The following ABCB7 variants were observed in gnomAD, a reference collection of about 807,000 sequenced individuals.
The protein encoded by ABCB7 is ATP binding cassette subfamily B member 7, also known as iron-sulfur clusters transporter ABCB7, mitochondrial.
ABCB7 carries 7 observed loss-of-function variants against 54.4 expected under a neutral mutation model. The observed-to-expected ratio is 0.13, with a 90% confidence interval of 0.07 to 0.24. The LOEUF is 0.24. ABCB7 is among the 10% of genes least tolerant of loss of function. The pLI is 1.00. For missense variants in ABCB7, 356 were observed against 570.4 expected (o/e 0.62, Z 3.83); for synonymous variants, 218 against 207.1 (o/e 1.05, Z -0.45).
chrX:75,108,566 A>T (rs1319614943), intron 3 of ABCB7, among the ~76,000 whole-genome samples: 1 of 108,326 alleles, frequency 9.2e-6, no homozygotes, highest in Non-Finnish European at 1.9e-5. Context: ...TAGTTAAAGG[A>T]AGCAATTAGA....
rs397969843 is a variant in ABCB7, at chrX:75,052,141, T to TC, written c.*1228dup. The TC allele has an allele frequency of 2.7e-5, 3 of 111,818 alleles. No homozygotes were observed. Among genetic ancestry groups the TC allele is most frequent in the Admixed American group, 9.5e-5 (1 of 10,566 alleles). 9.2% of individuals were successfully genotyped at this position (111,818 alleles called of 1,213,427 possible). On this transcript the variant is annotated 3_prime_UTR_variant, in exon 16 of 16. Coordinates refer to ENST00000373394, the MANE Select transcript of ABCB7 (RefSeq NM_001271696.3). ...AGCGACATGAGAATGAAGGTTTTTTTCCTTCAAAAAGTACATAGTTGCAAA... is the reference window on the plus strand; with the variant it reads ...AGCGACATGAGAATGAAGGTTTTTTTCCCTTCAAAAAGTACATAGTTGCAAA...
chrX:75,087,491 C>T (rs7885249), intron 4 of ABCB7, among the ~76,000 whole-genome samples: 9,116 of 111,647 alleles, frequency 0.082, 925 homozygotes, highest in African/African-American at 0.28. Flanking sequence ...TTAAAGATTT[C>T]CATTGTATAA....
In ABCB7 at chrX:75,052,836, A is replaced by T. The variant is rs1391066213; in HGVS notation, c.*534T>A. On this transcript the variant is annotated 3_prime_UTR_variant, in exon 16 of 16. Coordinates refer to ENST00000373394, the MANE Select transcript of ABCB7 (RefSeq NM_001271696.3). ...AAAACAAAAAAGAAAAAAGTAAGTA[A>T]CCTATCAAGTAAGACATCAAACTAT... The T allele has an allele frequency of 8.9e-6, 1 of 111,937 alleles. No homozygotes were observed. Among genetic ancestry groups the T allele is most frequent in the Non-Finnish European group, 1.9e-5 (1 of 53,274 alleles). 9.2% of individuals were successfully genotyped at this position (111,937 alleles called of 1,213,427 possible).
chrX:75,056,234 C>T (rs995376558), intron 15 of ABCB7, among the ~76,000 whole-genome samples: 3 of 111,446 alleles, frequency 2.7e-5, no homozygotes, highest in African/African-American at 9.8e-5. Flanking sequence ...GTTTCAGCAA[C>T]CAGTGAGGAC....
chrX:75,064,163 C>T (rs1036550881), intron 13 of ABCB7, among the ~76,000 whole-genome samples: 3 of 111,696 alleles, frequency 2.7e-5, no homozygotes, highest in African/African-American at 9.7e-5. Flanking sequence ...CTAAACCTAG[C>T]CCAAAACTTT....
At chrX:75,095,590 T>C (rs1366000478) in intron 4 of ABCB7, among the ~76,000 whole-genome samples, 2 of 112,868 alleles carry the variant, frequency 1.8e-5, no homozygotes. Context: ...AGTTATTCTA[T>C]GATCTAGTTT....
intron 13 of ABCB7, among the ~76,000 whole-genome samples, chrX:75,062,915 G>T (rs182593966): frequency 1.7e-4 from 19 of 111,472 alleles, no homozygotes; most frequent in African/African-American, 5.2e-4. Flanking sequence ...TATTCTCAAG[G>T]ATTGTTTTTT....
intron 1 of ABCB7, among the ~76,000 whole-genome samples, chrX:75,151,385 T>C (rs1304416694): frequency 1.8e-5 from 2 of 111,617 alleles, no homozygotes; most frequent in Admixed American, 1.9e-4. Flanking sequence ...TTAGAATCTA[T>C]TTCTACCATC....
At chrX:75,129,529 G>A (rs1270139869) in intron 1 of ABCB7, among the ~76,000 whole-genome samples, 1 of 107,958 alleles carries the variant, frequency 9.3e-6, no homozygotes, top group Non-Finnish European at 1.9e-5. Context: ...AAATCACCAT[G>A]GCACATGTAT....
chrX:75,098,276 T>A (rs2081608760), intron 4 of ABCB7, among the ~76,000 whole-genome samples: 1 of 104,614 alleles, frequency 9.6e-6, no homozygotes, highest in Non-Finnish European at 1.9e-5. Flanking sequence ...GCCACTGTAC[T>A]CCAGTCTGGG....
intron 3 of ABCB7, among the ~76,000 whole-genome samples, chrX:75,106,311 T>G (rs1266688555): frequency 9.1e-6 from 1 of 110,353 alleles, no homozygotes; most frequent in African/African-American, 3.3e-5. Context: ...CATGAACAGA[T>G]AGTTTTCAAA....
At chrX:75,127,597 A>G (rs746636896) in intron 1 of ABCB7, among the ~76,000 whole-genome samples, 2 of 111,769 alleles carry the variant, frequency 1.8e-5, no homozygotes, top group Non-Finnish European at 3.8e-5. Flanking sequence ...GGGTATTCAA[A>G]TAGGAAGAGA....
At chrX:75,147,604 G>T (rs2082101287) in intron 1 of ABCB7, among the ~76,000 whole-genome samples, 1 of 111,641 alleles carries the variant, frequency 9.0e-6, no homozygotes, top group Non-Finnish European at 1.9e-5. Flanking sequence ...TCACTTACAA[G>T]TAGGAGCTAA....
At chrX:75,134,967 C>T (rs2081999481) in intron 1 of ABCB7, among the ~76,000 whole-genome samples, 1 of 109,904 alleles carries the variant, frequency 9.1e-6, no homozygotes, top group Admixed American at 9.7e-5. Flanking sequence ...GAGAAATAAC[C>T]AAAATCGAGC....
chrX:75,122,204 T>C (rs771860392), intron 1 of ABCB7, among the ~76,000 whole-genome samples: 9 of 111,394 alleles, frequency 8.1e-5, no homozygotes, highest in Non-Finnish European at 1.5e-4. Context: ...ATAAAACAGA[T>C]TGCAGTAAAG....
chrX:75,134,812 G>C (rs2081998226), intron 1 of ABCB7, among the ~76,000 whole-genome samples: 1 of 111,553 alleles, frequency 9.0e-6, no homozygotes, highest in Non-Finnish European at 1.9e-5. Flanking sequence ...GAATCTCTGA[G>C]ACACAACTAA....
At chrX:75,145,123 G>A (rs965234777) in intron 1 of ABCB7, among the ~76,000 whole-genome samples, 4 of 110,443 alleles carry the variant, frequency 3.6e-5, no homozygotes, top group African/African-American at 1.3e-4. Flanking sequence ...AAAAGCCCAC[G>A]ACGAGACAGA....
At chrX:75,115,715 C>G (rs1264662061) in intron 1 of ABCB7, among the ~76,000 whole-genome samples, 2 of 108,531 alleles carry the variant, frequency 1.8e-5, no homozygotes, top group African/African-American at 6.7e-5. Flanking sequence ...GAATGGCCCC[C>G]CTCCTGGCCA....
At chrX:75,113,261 G>A (rs2081778223) in intron 2 of ABCB7, among the ~76,000 whole-genome samples, 1 of 111,840 alleles carries the variant, frequency 8.9e-6, no homozygotes, top group South Asian at 3.7e-4. Context: ...GACTTATACT[G>A]GCTTTCCCAG....
Sources: allele counts gnomAD v4.1 joint callset (sites outside exome capture counted in the v4.1 genomes callset), GRCh38; gene constraint gnomAD v4.1.1; transcripts MANE v1.5; gene names NCBI Gene and HGNC (gene_info 2026-07-23, HGNC 2026-07-21).